WDFY4: variants seen among roughly 807,000 people sequenced by gnomAD.
WDFY4 encodes WD repeat- and FYVE domain-containing protein 4.
WDFY4 carries 169 observed loss-of-function variants against 351.9 expected under a neutral mutation model. That is an observed-to-expected ratio of 0.48 (90% CI 0.42 to 0.55). WDFY4 has a LOEUF of 0.55. Ranked by LOEUF, WDFY4 falls within the 20% of genes least tolerant of loss-of-function variation. The probability of loss-of-function intolerance (pLI) is 0.00; values close to 1 mark genes in which losing one functional copy is unlikely to be tolerated. For missense variants in WDFY4, 3,803 were observed against 3,935.6 expected (o/e 0.97, Z 0.90); for synonymous variants, 1,622 against 1,574.6 (o/e 1.03, Z -0.71).
At chr10:48,787,980 T>C (rs10857641) in intron 20 of WDFY4, among the ~76,000 whole-genome samples, 1,241 of 52,016 alleles carry the variant, frequency 0.024, 24 homozygotes, top group East Asian at 0.056. Flanking sequence ...TTCTTCTTCT[T>C]CTTCTCCTTC....
At chr10:48,760,517 T>A in intron 13 of WDFY4, 77 bp downstream of exon 13, 1 of 1,435,588 alleles carries the variant, frequency 7.0e-7, no homozygotes, top group Non-Finnish European at 9.6e-7. Flanking sequence ...CCAAGACAGC[T>A]TTTTTCCTTT....
intron 47 of WDFY4, among the ~76,000 whole-genome samples, chr10:48,921,176 AAGAATAAT>A (rs1371931431): frequency 6.6e-6 from 1 of 152,204 alleles, no homozygotes; most frequent in Non-Finnish European, 1.5e-5. Context: ...AATTTTGAAA[AAGAATAAT>A]AGAGTTGGAG....
chr10:48,903,919 G>C (rs1837487886), intron 47 of WDFY4, among the ~76,000 whole-genome samples: 1 of 152,234 alleles, frequency 6.6e-6, no homozygotes, highest in Non-Finnish European at 1.5e-5. Flanking sequence ...CCTCTGGTAA[G>C]GACATGGGCA....
intron 30 of WDFY4, among the ~76,000 whole-genome samples, chr10:48,812,162 CT>C (rs2067469706): frequency 6.7e-6 from 1 of 149,716 alleles, no homozygotes; most frequent in East Asian, 2.0e-4. Context: ...CATAGTTATC[CT>C]TTCTTTCTTT....
intron 44 of WDFY4, among the ~76,000 whole-genome samples, chr10:48,894,340 T>C (rs1280683324): frequency 6.6e-6 from 1 of 152,200 alleles, no homozygotes; most frequent in Non-Finnish European, 1.5e-5. Flanking sequence ...TAGAGCTCTG[T>C]AAAAGCTAGG....
At chr10:48,872,259 A>G (rs2069811526) in intron 40 of WDFY4, among the ~76,000 whole-genome samples, 1 of 152,240 alleles carries the variant, frequency 6.6e-6, no homozygotes, top group Admixed American at 6.5e-5. Context: ...GCTAGCAGAT[A>G]TCATGCACTC....
intron 1 of WDFY4, among the ~76,000 whole-genome samples, chr10:48,705,374 C>T (rs2063598739): frequency 6.6e-6 from 1 of 152,210 alleles, no homozygotes; most frequent in African/African-American, 2.4e-5. Flanking sequence ...TTGCCCTACC[C>T]TCACCCTGGC....
chr10:48,764,546 G>A (rs186259291), intron 13 of WDFY4, among the ~76,000 whole-genome samples: 17 of 152,336 alleles, frequency 1.1e-4, no homozygotes, highest in Non-Finnish European at 2.5e-4. Context: ...CTAGAGCTCT[G>A]ACCAGTATTG....
In WDFY4 at chr10:48,966,692, ATT is replaced by A; in HGVS notation, c.8584+20_8584+21del. The A allele has an allele frequency of 6.5e-7, 1 of 1,549,670 alleles. No homozygotes were observed. The highest frequency in any genetic ancestry group is 8.7e-7 in the Non-Finnish European group (1 of 1,145,870). ...GTCAAAGGTGATTCCCTGGCCATGC[ATT>A]GTTTGGTGTCCTGTCCCAGGGTTGT... On this transcript the variant is annotated intron_variant, in intron 55 of 61. Transcript: ENST00000325239.
At chr10:48,820,517 A>C in intron 33 of WDFY4, 80 bp downstream of exon 33, 1 of 1,427,712 alleles carries the variant, frequency 7.0e-7, no homozygotes. Context: ...GGATGCACCC[A>C]GGGAGACAGA....
intron 39 of WDFY4, among the ~76,000 whole-genome samples, chr10:48,865,861 G>A (rs764703733): frequency 9.2e-5 from 14 of 151,888 alleles, no homozygotes; most frequent in Non-Finnish European, 2.1e-4. Context: ...TTAATTTATT[G>A]GCATACAATT....
At chr10:48,914,356 G>C (rs1041223331) in intron 47 of WDFY4, 3 of 597,976 alleles carry the variant, frequency 5.0e-6, no homozygotes, top group Non-Finnish European at 8.6e-6. Context: ...GAGAAGTCAG[G>C]GCAAAGTGGA....
At chr10:48,806,147 C>T (rs1273012345) in intron 27 of WDFY4, 52 bp downstream of exon 27, 26 of 1,510,238 alleles carry the variant, frequency 1.7e-5, no homozygotes, top group Non-Finnish European at 2.3e-5. Context: ...TCACGGAACC[C>T]CTGAGAGGCC....
intron 36 of WDFY4, among the ~76,000 whole-genome samples, chr10:48,828,069 G>A (rs2068064626): frequency 6.6e-6 from 1 of 152,214 alleles, no homozygotes; most frequent in Non-Finnish European, 1.5e-5. Context: ...TCATATGTCA[G>A]GTTATTTTCC....
In WDFY4 at chr10:48,830,880, A is replaced by T. The variant is rs1391149750; in HGVS notation, c.6521A>T (p.Tyr2174Phe). ...ACGATGCTCAAGGCCTGGCAGCATT[A>T]CTTAGGTCTCTATCCACTCGGCTCC... Reference protein sequence around the residue: ...EETMLKAWQHYLASEKKSLAS... With the variant: ...EETMLKAWQHFLASEKKSLAS... The change falls in exon 38 of 62, where the codon TAC becomes TTC. Residue 2174 changes from tyrosine (Y) to phenylalanine (F), a missense_variant. Tyr to Phe is a conservative substitution (Grantham distance 22). This residue lies in a region of WDFY4 where 3,054 missense variants were observed against 3,148.6 expected (regional missense o/e 0.97). Coordinates refer to ENST00000325239, the MANE Select transcript of WDFY4 (RefSeq NM_001394531.1). 3.9e-6 allele frequency: 6 copies of T among 1,551,036 alleles called. No individual in the cohort carries two copies. The highest frequency in any genetic ancestry group is 5.2e-6 in the Non-Finnish European group (6 of 1,146,496).
At chr10:48,832,756 C>G (rs749146592) in intron 39 of WDFY4, 47 bp downstream of exon 39, 3 of 1,480,830 alleles carry the variant, frequency 2.0e-6, no homozygotes, top group Non-Finnish European at 2.7e-6. Context: ...GCATTTGCTT[C>G]AAACCCCATG....
intron 32 of WDFY4, among the ~76,000 whole-genome samples, chr10:48,818,810 T>TA (rs970463220): frequency 1.3e-5 from 2 of 152,108 alleles, no homozygotes; most frequent in African/African-American, 4.8e-5. Flanking sequence ...AAAAGTAAGA[T>TA]AAAAAAGCAA....
intron 39 of WDFY4, among the ~76,000 whole-genome samples, chr10:48,846,501 C>G (rs1397957846): frequency 2.0e-5 from 3 of 152,208 alleles, no homozygotes. Flanking sequence ...TTGCACAGGG[C>G]CTGAACTAGA....
chr10:48,739,249 C>T lies in WDFY4; in HGVS notation c.1878+3179C>T, dbSNP rs539692579. On this transcript the variant is annotated intron_variant, in intron 11 of 61. Transcript: ENST00000325239. ...AACGTAGTTAGCGCTTTACAGCAGA[C>T]ATCCATTTTATAGATTCAAGCTGGA... is the stretch of plus-strand genomic sequence containing the variant. Among the ~76,000 whole-genome samples the T allele has an allele frequency of 2.0e-5, 3 of 152,302 alleles. No homozygotes were observed. In the East Asian group the frequency reaches 5.8e-4, roughly 29 times the overall value.
Sources: gnomAD v4.1 joint callset for allele counts (sites outside exome capture counted in the v4.1 genomes callset) on GRCh38, gnomAD v4.1.1 for gene constraint, gnomAD v4.1.1 regional missense constraint, MANE v1.5 for transcripts, NCBI Gene and HGNC (gene_info 2026-07-23, HGNC 2026-07-21) for gene names.